CYP2C18: variants seen among roughly 807,000 people sequenced by gnomAD.
CYP2C18 encodes the protein cytochrome P450 family 2 subfamily C member 18, also known as cytochrome P450 2C18.
In CYP2C18, 38 loss-of-function variants were observed where a neutral mutation model predicts 41.3. The observed-to-expected ratio is 0.92, with a 90% confidence interval of 0.71 to 1.21. The LOEUF (loss-of-function observed/expected upper bound fraction) is 1.21. Ranked by LOEUF, CYP2C18 falls within the 50% of genes most tolerant of loss-of-function variation. The pLI, the probability that CYP2C18 is intolerant of heterozygous loss-of-function variation, is 0.00. For missense variants in CYP2C18, 635 were observed against 591.4 expected (o/e 1.07, Z -0.77); for synonymous variants, 236 against 210.0 (o/e 1.12, Z -1.07).
intron 8 of CYP2C18, chr10:94,733,728 T>C (rs1339418891): frequency 3.1e-6 from 1 of 324,454 alleles, no homozygotes; most frequent in East Asian, 1.7e-4. Context: ...CTCTTCTTAA[T>C]GGGTGAAACT....
At chr10:94,709,970 G>A (rs1435974054) in intron 5 of CYP2C18, among the ~76,000 whole-genome samples, 1 of 151,926 alleles carries the variant, frequency 6.6e-6, no homozygotes, top group Non-Finnish European at 1.5e-5. Flanking sequence ...CTTTCTTTAT[G>A]CCAGTATGAC....
chr10:94,733,069 T>C lies in CYP2C18; in HGVS notation c.1150-228T>C, dbSNP rs146721661. 1.9e-4 allele frequency among the ~76,000 whole-genome samples: 29 copies of C among 152,228 alleles called. No homozygotes were observed. The East Asian group carries it at 3.1e-3, about 16-fold the overall frequency. ...AGAAGGCTGCCCCCGAGTACTCAAA[T>C]GCTCAGGACTTCAAGTGCAATTAAT... On this transcript the variant is annotated intron_variant, in intron 7 of 8. Transcript: ENST00000285979.
intron 4 of CYP2C18, among the ~76,000 whole-genome samples, chr10:94,703,749 TGTCTCACTGGAATTCAG>T (rs1847285873): frequency 1.3e-5 from 2 of 152,178 alleles, no homozygotes. Flanking sequence ...TGAATGGTTC[TGTCTCACTGGAATTCAG>T]GTGCCACTGG....
At chr10:94,734,554 T>C (rs1847887109) in intron 8 of CYP2C18, among the ~76,000 whole-genome samples, 1 of 152,100 alleles carries the variant, frequency 6.6e-6, no homozygotes, top group Non-Finnish European at 1.5e-5. Context: ...GGAAATGACA[T>C]GGGGCATAGC....
chr10:94,692,503 T>C (rs1356593241), intron 3 of CYP2C18, among the ~76,000 whole-genome samples: 1 of 152,050 alleles, frequency 6.6e-6, no homozygotes, highest in Non-Finnish European at 1.5e-5. Context: ...ATGGCGATCA[T>C]TAAAAAGTCA....
intron 7 of CYP2C18, among the ~76,000 whole-genome samples, chr10:94,730,717 A>G (rs190008132): frequency 2.8e-4 from 42 of 152,288 alleles, no homozygotes; most frequent in Admixed American, 2.3e-3. Context: ...GTATTCAAAT[A>G]GGAAAAGAAT....
intron 5 of CYP2C18, among the ~76,000 whole-genome samples, chr10:94,719,248 A>G (rs1847606973): frequency 6.6e-6 from 1 of 152,124 alleles, no homozygotes; most frequent in Non-Finnish European, 1.5e-5. Flanking sequence ...CAAATAAGAA[A>G]AAAAATTAAC....
intron 4 of CYP2C18, among the ~76,000 whole-genome samples, chr10:94,698,134 A>G (rs768366202): frequency 6.6e-6 from 1 of 152,214 alleles, no homozygotes; most frequent in African/African-American, 2.4e-5. Context: ...AGCAGACCTA[A>G]TAGACATCTG....
At chr10:94,693,167 A>C (rs942683224) in intron 3 of CYP2C18, among the ~76,000 whole-genome samples, 2 of 152,212 alleles carry the variant, frequency 1.3e-5, no homozygotes, top group African/African-American at 4.8e-5. Context: ...GTATATAAAA[A>C]AAAGTGTAAT....
intron 5 of CYP2C18, among the ~76,000 whole-genome samples, chr10:94,709,076 G>A (rs1371200800): frequency 6.6e-6 from 1 of 152,008 alleles, no homozygotes; most frequent in African/African-American, 2.4e-5. Context: ...ATTTCTCTTG[G>A]GTATATACTT....
rs564497588 is a variant in CYP2C18 at position 94,691,050 on chromosome 10, G to A, written c.481+2776G>A. On this transcript the variant is annotated intron_variant, in intron 3 of 8. Coordinates refer to ENST00000285979, the MANE Select transcript of CYP2C18 (RefSeq NM_000772.3). ...AAATAATAAGAGCTATCTATGACAA[G>A]CCCACAGCCAATATCATACTGAATG... Among the ~76,000 whole-genome samples, 21 of 152,140 alleles carry A rather than the reference G, an allele frequency of 1.4e-4. No homozygotes were observed. In the East Asian group the frequency reaches 3.5e-3, roughly 25 times the overall value.
intron 1 of CYP2C18, among the ~76,000 whole-genome samples, chr10:94,686,362 A>G (rs558447224): frequency 2.0e-5 from 3 of 152,282 alleles, no homozygotes; most frequent in Admixed American, 6.5e-5. Flanking sequence ...CCTTTCCTAC[A>G]TGAATACATC....
intron 3 of CYP2C18, among the ~76,000 whole-genome samples, chr10:94,691,175 C>CAA (rs1846992203): frequency 6.6e-6 from 1 of 152,050 alleles, no homozygotes; most frequent in Non-Finnish European, 1.5e-5. Flanking sequence ...CTGGACAGGG[C>CAA]AATCAGGCAG....
At chr10:94,718,215 G>A (rs906459787) in intron 5 of CYP2C18, among the ~76,000 whole-genome samples, 1 of 151,778 alleles carries the variant, frequency 6.6e-6, no homozygotes, top group East Asian at 1.9e-4. Flanking sequence ...TATTGTAAAT[G>A]GGTTTATTTT....
At chr10:94,710,092 C>A (rs903713352) in intron 5 of CYP2C18, among the ~76,000 whole-genome samples, 8 of 152,120 alleles carry the variant, frequency 5.3e-5, no homozygotes, top group Non-Finnish European at 8.8e-5. Context: ...ACCTCAGCCT[C>A]CTGAATAGCT....
intron 3 of CYP2C18, among the ~76,000 whole-genome samples, chr10:94,694,317 A>T (rs1342932126): frequency 2.0e-5 from 3 of 152,184 alleles, no homozygotes; most frequent in Admixed American, 1.3e-4. Context: ...ATTTTAGGCA[A>T]ACCAATCTAT....
chr10:94,712,128 A>C (rs551061770), intron 5 of CYP2C18, among the ~76,000 whole-genome samples: 106 of 149,020 alleles, frequency 7.1e-4, no homozygotes, highest in Admixed American at 2.2e-3. Context: ...GATTACAGGC[A>C]TGAGCCACCT....
chr10:94,697,893 C>T (rs1426893199), intron 4 of CYP2C18, among the ~76,000 whole-genome samples: 1 of 152,162 alleles, frequency 6.6e-6, no homozygotes, highest in African/African-American at 2.4e-5. Flanking sequence ...AAGGCCATTA[C>T]ATAATGGTAA....
intron 4 of CYP2C18, among the ~76,000 whole-genome samples, chr10:94,705,570 T>A (rs187333664): frequency 1.1e-4 from 17 of 152,342 alleles, no homozygotes; most frequent in African/African-American, 1.2e-4. Context: ...CCATTTTTTT[T>A]ATTCAGTTCT....
Sources: allele counts gnomAD v4.1 joint callset (sites outside exome capture counted in the v4.1 genomes callset), GRCh38; gene constraint gnomAD v4.1.1; transcripts MANE v1.5; gene names NCBI Gene and HGNC (gene_info 2026-07-23, HGNC 2026-07-21).